Variants in SEMA6D observed in about 807,000 individuals in gnomAD.
SEMA6D encodes the protein semaphorin-6D.
A neutral mutation model predicts 106.6 loss-of-function variants in SEMA6D; 35 were observed. The observed-to-expected ratio is 0.33, with a 90% confidence interval of 0.25 to 0.44. SEMA6D has a LOEUF of 0.44. Among genes scored for constraint, SEMA6D ranks in the 20% least tolerant of loss-of-function variants. The pLI is 1.00. For missense variants in SEMA6D, 1,185 were observed against 1,345.9 expected (o/e 0.88, Z 1.87); for synonymous variants, 499 against 487.7 (o/e 1.02, Z -0.31).
chr15:47,307,306 A>G (rs1398413757), intron 1 of SEMA6D, among the ~76,000 whole-genome samples: 1 of 152,210 alleles, frequency 6.6e-6, no homozygotes, highest in African/African-American at 2.4e-5. Flanking sequence ...GGGCAAACCA[A>G]ACCTCTTAGA....
intron 3 of SEMA6D, among the ~76,000 whole-genome samples, chr15:47,555,274 G>T (rs1008706108): frequency 9.2e-5 from 14 of 151,984 alleles, no homozygotes; most frequent in Non-Finnish European, 1.9e-4. Context: ...CTCTGTGATG[G>T]CCTCTGCCTC....
At chr15:47,493,489 G>A (rs1306154531) in intron 3 of SEMA6D, among the ~76,000 whole-genome samples, 2 of 152,066 alleles carry the variant, frequency 1.3e-5, no homozygotes, top group Non-Finnish European at 2.9e-5. Flanking sequence ...ACCAATGCTG[G>A]GCATTGGAAG....
intron 1 of SEMA6D, among the ~76,000 whole-genome samples, chr15:47,348,721 C>CAGAGAGAGAGAG (rs1313096616): frequency 9.3e-4 from 23 of 24,676 alleles, no homozygotes; most frequent in East Asian, 1.9e-3. Flanking sequence ...ACACACACCA[C>CAGAGAGAGAGAG]ACACACAGAG....
At chr15:47,382,493 C>T (rs968535051) in intron 1 of SEMA6D, among the ~76,000 whole-genome samples, 1 of 151,762 alleles carries the variant, frequency 6.6e-6, no homozygotes, top group African/African-American at 2.4e-5. Context: ...GGTGACAGAG[C>T]GAGACTCCGT....
At chr15:47,214,490 C>T (rs560512683) in intron 1 of SEMA6D, among the ~76,000 whole-genome samples, 16 of 152,288 alleles carry the variant, frequency 1.1e-4, no homozygotes, top group Middle Eastern at 3.4e-3. Context: ...GATTATTTAA[C>T]TGAGTTCCGT....
intron 3 of SEMA6D, among the ~76,000 whole-genome samples, chr15:47,495,878 C>G (rs1395717772): frequency 6.6e-6 from 1 of 151,926 alleles, no homozygotes; most frequent in African/African-American, 2.4e-5. Context: ...ATTGAACATA[C>G]AAGTATTTTT....
chr15:47,478,138 G>A (rs1483212762), intron 3 of SEMA6D, among the ~76,000 whole-genome samples: 1 of 151,606 alleles, frequency 6.6e-6, no homozygotes, highest in Admixed American at 6.6e-5. Context: ...AACCACTATA[G>A]AGGGAATGCT....
At chr15:47,227,578 C>CACAT (rs2031823717) in intron 1 of SEMA6D, among the ~76,000 whole-genome samples, 1 of 144,972 alleles carries the variant, frequency 6.9e-6, no homozygotes, top group Non-Finnish European at 1.5e-5. Flanking sequence ...CTCACACACA[C>CACAT]ACACACACAC....
At chr15:47,266,115 CT>C (rs2034304584) in intron 1 of SEMA6D, among the ~76,000 whole-genome samples, 2 of 152,112 alleles carry the variant, frequency 1.3e-5, no homozygotes, top group Non-Finnish European at 2.9e-5. Context: ...CCCAGCAGGG[CT>C]CTTCCCTGTT....
At chr15:47,711,890 T>A (rs1001588452) in intron 4 of SEMA6D, among the ~76,000 whole-genome samples, 1 of 152,214 alleles carries the variant, frequency 6.6e-6, no homozygotes, top group African/African-American at 2.4e-5. Flanking sequence ...ATGAATCAGC[T>A]CCCTGTACCT....
intron 3 of SEMA6D, among the ~76,000 whole-genome samples, chr15:47,556,576 A>T (rs1418036202): frequency 1.3e-5 from 2 of 151,858 alleles, no homozygotes; most frequent in Non-Finnish European, 2.9e-5. Context: ...CTATTTTTTT[A>T]TTGTCCTGTT....
intron 2 of SEMA6D, among the ~76,000 whole-genome samples, chr15:47,428,303 C>T (rs577634852): frequency 5.3e-5 from 8 of 152,134 alleles, no homozygotes; most frequent in South Asian, 2.1e-4. Flanking sequence ...TTTACAAGCC[C>T]ATTGTAGGGC....
At chr15:47,370,326 G>A (rs1424420661) in intron 1 of SEMA6D, among the ~76,000 whole-genome samples, 3 of 152,086 alleles carry the variant, frequency 2.0e-5, no homozygotes, top group Non-Finnish European at 4.4e-5. Flanking sequence ...ACCAGCCTGG[G>A]CAACAAAGTA....
chr15:47,447,600 A>G, intron 2 of SEMA6D, among the ~76,000 whole-genome samples: 1 of 152,010 alleles, frequency 6.6e-6, no homozygotes. Flanking sequence ...GGCCCTATAT[A>G]TTTCTTCATC....
rs139116838 is a variant in SEMA6D, at chr15:47,590,794, T to C, written c.-86-10071T>C. 1.5e-3 allele frequency among the ~76,000 whole-genome samples: 228 copies of C among 152,296 alleles called. 1 individual carries two copies. Among genetic ancestry groups the C allele is most frequent in the African/African-American group, 5.4e-3 (225 of 41,570 alleles). Reference sequence around the variant, plus strand: ...CTAGGAAAAGGCAAAGGAAGGATTCTACCCAGAGTTCAGAGGGAACATGGC... The same window carrying C: ...CTAGGAAAAGGCAAAGGAAGGATTCCACCCAGAGTTCAGAGGGAACATGGC... On this transcript the variant is annotated intron_variant, in intron 3 of 19. Transcript: ENST00000558014.
chr15:47,354,059 C>CAT (rs1303787013), intron 1 of SEMA6D, among the ~76,000 whole-genome samples: 1 of 151,514 alleles, frequency 6.6e-6, no homozygotes, highest in Non-Finnish European at 1.5e-5. Context: ...TTCTCTCTCT[C>CAT]TCTCTACATA....
chr15:47,198,531 T>C (rs1028912848), intron 1 of SEMA6D, among the ~76,000 whole-genome samples: 2 of 152,130 alleles, frequency 1.3e-5, no homozygotes, highest in Non-Finnish European at 2.9e-5. Context: ...GGAAGTGGAT[T>C]AGGTGAAAAC....
intron 3 of SEMA6D, among the ~76,000 whole-genome samples, chr15:47,480,069 C>T (rs13380204): frequency 0.024 from 3,694 of 150,964 alleles, 144 homozygotes; most frequent in African/African-American, 0.075. Context: ...TGTTGCCTAG[C>T]CTAGTCTTGA....
chr15:47,494,790 A>ATATATATAAT (rs1596149084), intron 3 of SEMA6D, among the ~76,000 whole-genome samples: 3 of 82,848 alleles, frequency 3.6e-5, no homozygotes, highest in Admixed American at 1.4e-4. Context: ...ATATATATAT[A>ATATATATAAT]ATCTCCAGAT....
Sources: allele counts gnomAD v4.1 joint callset (sites outside exome capture counted in the v4.1 genomes callset), GRCh38; gene constraint gnomAD v4.1.1; transcripts MANE v1.5; gene names NCBI Gene and HGNC (gene_info 2026-07-23, HGNC 2026-07-21).